The following LATS1 variants were observed in gnomAD, a reference collection of about 807,000 sequenced individuals.
LATS1 encodes the protein large tumor suppressor kinase 1.
In LATS1, 25 loss-of-function variants were observed where a neutral mutation model predicts 106.6. The observed-to-expected ratio is 0.23, with a 90% CI of 0.17 to 0.33. The LOEUF (loss-of-function observed/expected upper bound fraction) is 0.33, where lower values mean the gene tolerates loss of function less well. Among genes scored for constraint, LATS1 ranks in the 10% least tolerant of loss-of-function variants. The pLI is 1.00. For synonymous variants in LATS1, 465 were observed against 455.6 expected (o/e 1.02, Z -0.26); for missense variants, 1,040 against 1,382.6 (o/e 0.75, Z 3.93).
At chr6:149,701,490 A>T (rs1163318825) in intron 2 of LATS1, among the ~76,000 whole-genome samples, 1 of 152,098 alleles carries the variant, frequency 6.6e-6, no homozygotes, top group Non-Finnish European at 1.5e-5. Flanking sequence ...CCCTACCCTC[A>T]CCTATGGCTT....
chr6:149,714,776 G>A (rs946734351), intron 1 of LATS1, among the ~76,000 whole-genome samples: 24 of 152,128 alleles, frequency 1.6e-4, no homozygotes, highest in Non-Finnish European at 2.8e-4. Context: ...TTAACTAACC[G>A]AAGTAATTCA....
chr6:149,707,172 C>T (rs192687176), intron 1 of LATS1, among the ~76,000 whole-genome samples: 16 of 151,884 alleles, frequency 1.1e-4, no homozygotes, highest in South Asian at 4.2e-4. Flanking sequence ...TGTACCACCA[C>T]GCCAGGCTAA....
chr6:149,665,087 A>G (rs1233768156), intron 7 of LATS1, among the ~76,000 whole-genome samples: 2 of 152,294 alleles, frequency 1.3e-5, no homozygotes, highest in Admixed American at 6.5e-5. Context: ...GGCTGGGTGC[A>G]GTGGCTCATC....
chr6:149,685,867 G>A (rs910060335), intron 3 of LATS1, among the ~76,000 whole-genome samples: 11 of 151,138 alleles, frequency 7.3e-5, no homozygotes, highest in Non-Finnish European at 1.6e-4. Context: ...AGCCACTTAG[G>A]AAAAATATAC....
intron 2 of LATS1, among the ~76,000 whole-genome samples, chr6:149,697,719 T>C (rs1414175206): frequency 6.6e-6 from 1 of 152,092 alleles, no homozygotes; most frequent in Non-Finnish European, 1.5e-5. Context: ...TTTCCAATAT[T>C]GTGGGAATCA....
chr6:149,672,048 C>T (rs961021321), intron 7 of LATS1, among the ~76,000 whole-genome samples: 1 of 151,548 alleles, frequency 6.6e-6, no homozygotes, highest in African/African-American at 2.4e-5. Flanking sequence ...GCAGCCACAC[C>T]CAGCTAATTT....
chr6:149,661,757 A>C lies in LATS1; in HGVS notation c.3365T>G (p.Ile1122Ser). 2.5e-6 allele frequency: 4 copies of C among 1,572,496 alleles called. No homozygotes were observed. Among genetic ancestry groups the C allele is most frequent in the Non-Finnish European group, 3.4e-6 (4 of 1,162,604 alleles). ...DEDDQNTGSE[I>S]KNRDLVYV The stretch of plus-strand genomic sequence containing the variant: ...AACATATACTAGATCGCGATTTTTA[A>C]TCTCTGAGCCTGTGTTTTGATCATC... The change falls in exon 8 of 8, where the codon ATT becomes AGT. Residue 1122 changes from isoleucine to serine, a missense_variant. Transcript: ENST00000543571.
At position 149,706,375 on chromosome 6, in the gene LATS1, G is replaced by A. The variant is rs1158737395; in HGVS notation, c.-140-4109C>T. Among the ~76,000 whole-genome samples, 3 of 151,700 alleles carry A rather than the reference G, an allele frequency of 2.0e-5. No homozygotes were observed. In the East Asian group the frequency reaches 5.8e-4, roughly 29 times the overall value. ...TGCAAAAAATGAGCTGAGTGTGGCA[G>A]TGTGTGTGACTGTGGTACCAGCTGC... On this transcript the variant is annotated intron_variant, in intron 1 of 7. Transcript: ENST00000543571.
intron 3 of LATS1, among the ~76,000 whole-genome samples, chr6:149,686,440 C>T (rs1260888185): frequency 6.6e-6 from 1 of 152,142 alleles, no homozygotes; most frequent in Non-Finnish European, 1.5e-5. Context: ...TCCCACAGAG[C>T]TCTCCATGTT....
Position 149,699,511 on chromosome 6 carries a change from T to C in LATS1, c.348+2268A>G, listed in dbSNP as rs188129448. Among the ~76,000 whole-genome samples the C allele has an allele frequency of 3.9e-5, 6 of 152,278 alleles. No individual in the cohort carries two copies. In the East Asian group the frequency reaches 1.2e-3, roughly 29 times the overall value. The stretch of plus-strand genomic sequence containing the variant: ...ATAAAATAAATAAATAACACCATAC[T>C]TCATTATTTGGACAAACAGGGAATG... On this transcript the variant is annotated intron_variant, in intron 2 of 7. Transcript: ENST00000543571.
intron 7 of LATS1, among the ~76,000 whole-genome samples, chr6:149,672,752 C>T (rs1236161990): frequency 6.6e-6 from 1 of 151,894 alleles, no homozygotes; most frequent in Admixed American, 6.6e-5. Context: ...TCAAGACCAG[C>T]CTGACCAACA....
At chr6:149,667,438 CAAAAAAAAAAA>C (rs1189854950) in intron 7 of LATS1, among the ~76,000 whole-genome samples, 2 of 33,956 alleles carry the variant, frequency 5.9e-5, no homozygotes, top group Non-Finnish European at 5.0e-5. Flanking sequence ...GACTGTATCT[CAAAAAAAAAAA>C]AAAAAAAAAA....
chr6:149,699,118 T>C (rs1302717715), intron 2 of LATS1, among the ~76,000 whole-genome samples: 1 of 149,682 alleles, frequency 6.7e-6, no homozygotes, highest in Non-Finnish European at 1.5e-5. Flanking sequence ...TAGGTTAGGG[T>C]TTCTGAAATG....
At position 149,702,032 on chromosome 6, in the gene LATS1, T is replaced by C. The variant is rs778648787; in HGVS notation, c.95A>G (p.Gln32Arg). 6 of 1,614,184 alleles carry C rather than the reference T, an allele frequency of 3.7e-6. No homozygotes were observed. The highest frequency in any genetic ancestry group is 3.3e-5 in the South Asian group (3 of 91,086). ...NYTVSSRQMLQEIRESLRNLS... is the reference protein window; with the variant it reads ...NYTVSSRQMLREIRESLRNLS... ...ATTCCTAAGGGATTCCCGAATTTCT[T>C]GTAACATTTGCCGGCTACTGACAGT... Residue 32 changes from glutamine (Q) to arginine (R), a missense_variant, in exon 2 of 8, where the codon CAA (glutamine) becomes CGA (arginine). Physicochemically the swap from Gln to Arg is conservative, Grantham distance 43 (BLOSUM62 1). Around this residue, in one of 7 missense-constraint regions of LATS1, gnomAD observed 624 missense variants for 714.8 expected, o/e 0.87. Transcript: ENST00000543571.
chr6:149,664,814 C>A (rs556320649), intron 7 of LATS1, among the ~76,000 whole-genome samples: 3 of 152,134 alleles, frequency 2.0e-5, no homozygotes, highest in Non-Finnish European at 4.4e-5. Context: ...CTCAGCCTCC[C>A]GAGTAACTGG....
At chr6:149,707,901 G>A (rs1783879876) in intron 1 of LATS1, among the ~76,000 whole-genome samples, 1 of 152,018 alleles carries the variant, frequency 6.6e-6, no homozygotes, top group Non-Finnish European at 1.5e-5. Flanking sequence ...TTTAGAGACA[G>A]GGGCTCACCA....
chr6:149,711,165 G>T (rs1170283771), intron 1 of LATS1, among the ~76,000 whole-genome samples: 6 of 151,960 alleles, frequency 3.9e-5, no homozygotes, highest in Non-Finnish European at 8.8e-5. Flanking sequence ...CTTCGACTGT[G>T]GTTACTGACA....
intron 7 of LATS1, among the ~76,000 whole-genome samples, chr6:149,666,580 T>C (rs1318481664): frequency 6.7e-6 from 1 of 150,140 alleles, no homozygotes; most frequent in African/African-American, 2.5e-5. Context: ...GCCGAGATAG[T>C]GCCACTGCAC....
chr6:149,670,948 GGGT>G (rs1781416468), intron 7 of LATS1, among the ~76,000 whole-genome samples: 1 of 151,474 alleles, frequency 6.6e-6, no homozygotes, highest in Non-Finnish European at 1.5e-5. Flanking sequence ...TTTTTTCTAT[GGGT>G]CATGATTCTG....
Sources: allele counts gnomAD v4.1 joint callset (sites outside exome capture counted in the v4.1 genomes callset), GRCh38; gene constraint gnomAD v4.1.1; regional missense constraint gnomAD v4.1.1; transcripts MANE v1.5; gene names NCBI Gene and HGNC (gene_info 2026-07-23, HGNC 2026-07-21).